The following CFAP299 variants were observed in gnomAD, a reference collection of about 807,000 sequenced individuals.
The protein encoded by CFAP299 is cilia and flagella associated protein 299.
CFAP299 carries 21 observed loss-of-function variants against 27.0 expected under a neutral mutation model. The ratio of observed to expected loss-of-function variants is 0.78; its 90% CI spans 0.55 to 1.12. The LOEUF (loss-of-function observed/expected upper bound fraction) is 1.12, where lower values mean the gene tolerates loss of function less well. CFAP299 is among the 50% of genes most tolerant of loss of function. The pLI is 0.00. For missense variants in CFAP299, 310 were observed against 276.6 expected, an observed-to-expected ratio of 1.12 and a Z score of -0.86; for synonymous variants, 104 against 98.1, an observed-to-expected ratio of 1.06 and a Z score of -0.36.
intron 4 of CFAP299, among the ~76,000 whole-genome samples, chr4:80,887,616 G>C (rs1734035500): frequency 6.6e-6 from 1 of 152,088 alleles, no homozygotes; most frequent in Admixed American, 6.5e-5. Context: ...GGATGTGAAT[G>C]AGCAAGAAGA....
At chr4:80,553,962 C>T (rs535613059) in intron 2 of CFAP299, among the ~76,000 whole-genome samples, 2 of 151,942 alleles carry the variant, frequency 1.3e-5, no homozygotes, top group Non-Finnish European at 2.9e-5. Context: ...TCTGTTGATA[C>T]TTTCTTTTGC....
intron 2 of CFAP299, among the ~76,000 whole-genome samples, chr4:80,442,871 C>T (rs1728428240): frequency 6.6e-6 from 1 of 152,282 alleles, no homozygotes; most frequent in Non-Finnish European, 1.5e-5. Context: ...CACTGATCCA[C>T]AGAAACACAA....
intron 3 of CFAP299, among the ~76,000 whole-genome samples, chr4:80,727,019 C>A (rs1269297785): frequency 6.6e-6 from 1 of 151,710 alleles, no homozygotes; most frequent in African/African-American, 2.4e-5. Context: ...AGCATTCCAG[C>A]AAAAATAAAG....
At chr4:80,375,172 G>C (rs1388040390) in intron 2 of CFAP299, among the ~76,000 whole-genome samples, 1 of 152,166 alleles carries the variant, frequency 6.6e-6, no homozygotes, top group Non-Finnish European at 1.5e-5. Context: ...GGGACATATT[G>C]TGTGAAACCA....
At chr4:80,567,812 A>G (rs1249843592) in intron 2 of CFAP299, among the ~76,000 whole-genome samples, 1 of 151,340 alleles carries the variant, frequency 6.6e-6, no homozygotes, top group East Asian at 1.9e-4. Context: ...TAGGAAACCA[A>G]TACATAATTA....
rs189292591 is a variant in CFAP299 at position 80,838,862 on chromosome 4, A to G, written c.334-31131A>G. Among the ~76,000 whole-genome samples, 11 of 152,198 alleles carry G rather than the reference A, an allele frequency of 7.2e-5. No individual in the cohort carries two copies. The East Asian group carries it at 2.1e-3, about 29-fold the overall frequency. On this transcript the variant is annotated intron_variant, in intron 3 of 5. Coordinates refer to ENST00000358105, the MANE Select transcript of CFAP299 (RefSeq NM_152770.3). ...TGCCTAAACATTAGAAAAAAGCAGG[A>G]ACTCTTATCTGCTGATTTTGTTGAT...
the CFAP299 span, among the ~76,000 whole-genome samples, chr4:80,321,727 A>G: frequency 2.6e-5 from 4 of 152,196 alleles, no homozygotes; most frequent in Non-Finnish European, 5.9e-5. Context: ...ATGAGTGCAG[A>G]TCATGATGTT....
chr4:80,862,656 C>A (rs1402754444), intron 3 of CFAP299, among the ~76,000 whole-genome samples: 1 of 152,148 alleles, frequency 6.6e-6, no homozygotes, highest in African/African-American at 2.4e-5. Context: ...CCTCTTGAGT[C>A]TGGACTGGCC....
chr4:80,631,719 T>C (rs1739212078), intron 3 of CFAP299, among the ~76,000 whole-genome samples: 1 of 152,182 alleles, frequency 6.6e-6, no homozygotes, highest in Admixed American at 6.5e-5. Flanking sequence ...CTTTTTCTTT[T>C]TAATCTATGT....
chr4:80,510,472 G>T (rs1358680597), intron 2 of CFAP299, among the ~76,000 whole-genome samples: 1 of 152,136 alleles, frequency 6.6e-6, no homozygotes, highest in East Asian at 1.9e-4. Flanking sequence ...ACACCTCATA[G>T]TCTCTCTTGA....
chr4:80,799,820 T>TTATATAACATAATATATAA (rs1728250034), intron 3 of CFAP299, among the ~76,000 whole-genome samples: 1 of 36,514 alleles, frequency 2.7e-5, no homozygotes, highest in African/African-American at 1.3e-4. Context: ...AATATATATA[T>TTATATAACATAATATATAA]TATATATATT....
chr4:80,437,492 C>T (rs143550172), intron 2 of CFAP299, among the ~76,000 whole-genome samples: 3 of 152,160 alleles, frequency 2.0e-5, no homozygotes, highest in East Asian at 3.9e-4. Flanking sequence ...TAAGGGAACA[C>T]GATGGAGGCG....
At chr4:80,887,422 G>T (rs773801829) in intron 4 of CFAP299, among the ~76,000 whole-genome samples, 1 of 151,296 alleles carries the variant, frequency 6.6e-6, no homozygotes, top group African/African-American at 2.4e-5. Context: ...GGATAGAGTG[G>T]TATGACATAT....
intron 4 of CFAP299, among the ~76,000 whole-genome samples, chr4:80,925,595 T>C (rs1281971803): frequency 6.6e-6 from 1 of 151,918 alleles, no homozygotes; most frequent in East Asian, 1.9e-4. Flanking sequence ...TATATGATAC[T>C]GACAAATGAA....
intron 3 of CFAP299, among the ~76,000 whole-genome samples, chr4:80,811,200 T>A (rs1729136923): frequency 6.6e-6 from 1 of 152,116 alleles, no homozygotes; most frequent in Non-Finnish European, 1.5e-5. Context: ...AATAGCAACT[T>A]TTCAGTGATA....
intron 3 of CFAP299, among the ~76,000 whole-genome samples, chr4:80,592,507 A>G (rs1444744766): frequency 1.3e-5 from 2 of 152,212 alleles, no homozygotes; most frequent in Non-Finnish European, 2.9e-5. Flanking sequence ...TTAGAAATGG[A>G]TAAATTAAAT....
intron 2 of CFAP299, among the ~76,000 whole-genome samples, chr4:80,421,630 A>G (rs1727289628): frequency 1.3e-5 from 2 of 152,332 alleles, no homozygotes; most frequent in South Asian, 4.1e-4. Context: ...AACTTAACGT[A>G]CACTAAGTTA....
chr4:80,607,530 G>A (rs936830911), intron 3 of CFAP299, among the ~76,000 whole-genome samples: 4 of 151,928 alleles, frequency 2.6e-5, no homozygotes, highest in Admixed American at 2.0e-4. Context: ...AGGTGATGAC[G>A]CCAGGGGTTA....
Position 80,353,217 on chromosome 4 carries a change from A to G in CFAP299, c.112-9537A>G, listed in dbSNP as rs192533064. On this transcript the variant is annotated intron_variant, in intron 1 of 5. Coordinates refer to ENST00000358105, the MANE Select transcript of CFAP299 (RefSeq NM_152770.3). ...CAAAGTCATACTCCCTTCTTGGGGCAGTTCTCTTTAAATTACTGCTTATTG... is the reference window on the plus strand; with the variant it reads ...CAAAGTCATACTCCCTTCTTGGGGCGGTTCTCTTTAAATTACTGCTTATTG... Among the ~76,000 whole-genome samples the G allele has an allele frequency of 7.9e-4, 120 of 152,296 alleles. 1 individual carries two copies. The highest frequency in any genetic ancestry group is 3.4e-3 in the Middle Eastern group (1 of 294).
Sources: allele counts gnomAD v4.1 joint callset (sites outside exome capture counted in the v4.1 genomes callset), GRCh38; gene constraint gnomAD v4.1.1; transcripts MANE v1.5; gene names NCBI Gene and HGNC (gene_info 2026-07-23, HGNC 2026-07-21).